TSPAN32: variants seen among roughly 807,000 people sequenced by gnomAD.
TSPAN32 encodes the protein tetraspanin 32.
Under a neutral mutation model 42.7 loss-of-function variants are expected in TSPAN32, and 47 were observed. That is an observed-to-expected ratio of 1.10 (90% confidence interval 0.87 to 1.40). TSPAN32 has a LOEUF of 1.40. Ranked by LOEUF, TSPAN32 falls within the 40% of genes most tolerant of loss-of-function variation. The pLI, the probability that TSPAN32 is intolerant of heterozygous loss-of-function variation, is 0.00. For synonymous variants in TSPAN32, 175 were observed against 175.9 expected (o/e 0.99, Z 0.04); for missense variants, 469 against 424.1 (o/e 1.11, Z -0.93).
At chr11:2,314,684 A>G in intron 6 of TSPAN32, 113 bp downstream of exon 6, 1 of 786,430 alleles carries the variant, frequency 1.3e-6, no homozygotes, top group Non-Finnish European at 2.1e-6. Context: ...GCCTCCCCAG[A>G]CCCTTGGGAA....
chr11:2,303,983 A>G, intron 2 of TSPAN32, 124 bp from the exon 3 acceptor site: 2 of 704,048 alleles, frequency 2.8e-6, no homozygotes, highest in African/African-American at 1.8e-5. Context: ...AGACAGGCCC[A>G]TTCAGAGCCC....
Position 2,313,586 on chromosome 11 carries a change from G to A in TSPAN32, c.355-68G>A, listed in dbSNP as rs953569368. 2.2e-5 allele frequency: 29 copies of A among 1,302,468 alleles called. No homozygotes were observed. The highest frequency in any genetic ancestry group is 2.1e-4 in the African/African-American group (14 of 67,938). The allele number at this position is 1,302,468 out of a possible 1,614,324, so 80.7% of individuals were successfully genotyped here. The stretch of plus-strand genomic sequence containing the variant: ...AGGGCCCACTAGCGTTTGGGATGTC[G>A]TGGGGAGGGGGCTGTGTCCCCGGAT... On this transcript the variant is annotated intron_variant, in intron 4 of 9. Coordinates refer to ENST00000182290, the MANE Select transcript of TSPAN32 (RefSeq NM_139022.3). This position sits in a 1 kb window ranked among gnomAD's most constrained non-coding sequence, Gnocchi z 9.1.
chr11:2,303,925 G>A (rs1847916192), intron 2 of TSPAN32, among the ~76,000 whole-genome samples, 182 bp from the exon 3 acceptor site: 1 of 152,130 alleles, frequency 6.6e-6, no homozygotes, highest in African/African-American at 2.4e-5. Context: ...CCCCCAGGCT[G>A]AACGAGTCCC....
chr11:2,316,604 T>C lies in TSPAN32; in HGVS notation c.656T>C (p.Leu219Pro). 1 of 1,559,924 alleles carries C rather than the reference T, an allele frequency of 6.4e-7. No homozygotes were observed. The highest frequency in any genetic ancestry group is 8.7e-7 in the Non-Finnish European group (1 of 1,150,762). The change falls in exon 8 of 10, where the codon CTG (leucine) becomes CCG (proline). Residue 219 changes from leucine (L) to proline (P), a missense_variant. Transcript: ENST00000182290. Reference protein sequence around the residue: ...TVSALLFSSFLWFAIRCGCSL... With the variant: ...TVSALLFSSFPWFAIRCGCSL... ...TCCGCCTTGCTCTTCAGCTCCTTCC[T>C]GTGGTTTGCCATCCGCTGTGGCTGC...
intron 2 of TSPAN32, 138 bp from the exon 3 acceptor site, chr11:2,303,969 G>A (rs1009017152): frequency 3.2e-6 from 2 of 631,936 alleles, no homozygotes; most frequent in African/African-American, 1.9e-5. Flanking sequence ...GCCGTCTGAT[G>A]GAGAGACAGG....
Position 2,304,129 on chromosome 11 carries a change from G to A in TSPAN32, c.204G>A (p.Leu68=), listed in dbSNP as rs765534620. The stretch of plus-strand genomic sequence containing the variant: ...CAGCCTTCTCTGCGGGGTTGAGCCT[G>A]GTGGGCCTCCTGACTCTGGGAGCCG... ...HQWAFSAGLS[L]VGLLTLGAVL... is the part of the protein sequence containing the mutation. Residue 68 remains leucine (L), a synonymous_variant, in exon 3 of 10, where the codon CTG becomes CTA. Coordinates refer to ENST00000182290, the MANE Select transcript of TSPAN32 (RefSeq NM_139022.3). This position sits in a 1 kb window ranked among gnomAD's most constrained non-coding sequence, Gnocchi z 4.8. 6.3e-7 allele frequency: 1 copy of A among 1,586,174 alleles called. No homozygotes were observed. The highest frequency in any genetic ancestry group is 1.8e-5 in the Admixed American group (1 of 55,600).
chr11:2,309,660 GC>G, intron 4 of TSPAN32: 1 of 279,768 alleles, frequency 3.6e-6, no homozygotes, highest in South Asian at 3.3e-5. Flanking sequence ...GTGCCTGGTT[GC>G]CCAGGGCCCT....
At chr11:2,314,837 G>A (rs1848684517) in intron 6 of TSPAN32, 1 of 508,762 alleles carries the variant, frequency 2.0e-6, no homozygotes, top group African/African-American at 1.9e-5. Flanking sequence ...GGCCCCATGC[G>A]CCATTCACTC....
rs1564964718 is a variant in TSPAN32, at chr11:2,313,738, GCGGC to G, written c.441_444del (p.Ala148SerfsTer43). On this transcript the variant is annotated frameshift_variant, in exon 5 of 10. Coordinates refer to ENST00000182290, the MANE Select transcript of TSPAN32 (RefSeq NM_139022.3). LOFTEE classifies it high-confidence loss of function. The surrounding 1 kb of genome is among the most constrained non-coding windows in gnomAD (Gnocchi z 9.1). ...GTCCCACGTCCGGCGGCAGGAGCTG[GCGGC>G]CATCCAGGACGTGGTGAGCGTGGGG... is the stretch of plus-strand genomic sequence containing the variant. 3.7e-6 allele frequency: 6 copies of G among 1,601,872 alleles called. No homozygotes were observed. Among genetic ancestry groups the G allele is most frequent in the Non-Finnish European group, 4.3e-6 (5 of 1,176,184 alleles).
At chr11:2,307,731 G>A (rs938422261) in intron 3 of TSPAN32, among the ~76,000 whole-genome samples, 11 of 152,114 alleles carry the variant, frequency 7.2e-5, no homozygotes, top group Non-Finnish European at 1.6e-4. Flanking sequence ...GGGCGGGTGC[G>A]CAGACGTTTC....
chr11:2,316,760 C>T (rs1372051289), intron 8 of TSPAN32, 93 bp downstream of exon 8: 8 of 1,345,498 alleles, frequency 5.9e-6, no homozygotes, highest in African/African-American at 2.9e-5. Flanking sequence ...GAGGGAGCCC[C>T]GGGACCAAGC....
In TSPAN32 at chr11:2,316,528, C is replaced by T. The variant is rs2234309; in HGVS notation, c.628-48C>T. ...AGTCCTGATGCTTCCTGGGGAGGGG[C>T]GCCCGCACCCTGGGGCAGTGGGGCA... is the stretch of plus-strand genomic sequence containing the variant. On this transcript the variant is annotated intron_variant, in intron 7 of 9. Coordinates refer to ENST00000182290, the MANE Select transcript of TSPAN32 (RefSeq NM_139022.3). The T allele has an allele frequency of 2.9e-3, 4,678 of 1,608,978 alleles. 122 individuals carry two copies. In the African/African-American group the frequency reaches 0.055, roughly 19 times the overall value.
At position 2,304,722 on chromosome 11, in the gene TSPAN32, C is replaced by T. The variant is rs1215604928; in HGVS notation, c.279+518C>T. On this transcript the variant is annotated intron_variant, in intron 3 of 9. Transcript: ENST00000182290. The surrounding 1 kb of genome is among the most constrained non-coding windows in gnomAD (Gnocchi z 4.8). Reference sequence around the variant, plus strand: ...CCAGCTGCCGGAGGTGTCTCCCCAGCCCCGAGGTCCCATAGGCCCCTCCAC... The same window carrying T: ...CCAGCTGCCGGAGGTGTCTCCCCAGTCCCGAGGTCCCATAGGCCCCTCCAC... Among the ~76,000 whole-genome samples the T allele has an allele frequency of 6.6e-6, 1 of 151,714 alleles. No individual in the cohort carries two copies. Among genetic ancestry groups the T allele is most frequent in the Non-Finnish European group, 1.5e-5 (1 of 67,916 alleles).
At position 2,317,327 on chromosome 11, in the gene TSPAN32, A is replaced by T; in HGVS notation, c.720-17A>T. On this transcript the variant is annotated splice_polypyrimidine_tract_variant and intron_variant, in intron 8 of 9. Coordinates refer to ENST00000182290, the MANE Select transcript of TSPAN32 (RefSeq NM_139022.3). This position sits in a 1 kb window ranked among gnomAD's most constrained non-coding sequence, Gnocchi z 6.2. ...TAGAACATTCCACCACAGCCCCATG[A>T]TCCCCTTGCTCCTCAGAGCATGTGG... 6.4e-7 allele frequency: 1 copy of T among 1,574,750 alleles called. No homozygotes were observed. The highest frequency in any genetic ancestry group is 8.6e-7 in the Non-Finnish European group (1 of 1,159,394).
At chr11:2,315,216 T>A in intron 6 of TSPAN32, 1 of 1,175,526 alleles carries the variant, frequency 8.5e-7, no homozygotes, top group Non-Finnish European at 1.1e-6. Flanking sequence ...TCCCCTACTG[T>A]CCTGGAAACA....
chr11:2,308,130 T>G (rs1410097197), intron 3 of TSPAN32, among the ~76,000 whole-genome samples: 1 of 152,194 alleles, frequency 6.6e-6, no homozygotes, highest in African/African-American at 2.4e-5. Flanking sequence ...GGGTGCAGTG[T>G]TGCCATCAAC....
At chr11:2,314,835 G>C in intron 6 of TSPAN32, 1 of 513,116 alleles carries the variant, frequency 1.9e-6, no homozygotes, top group Non-Finnish European at 3.5e-6. Context: ...CAGGCCCCAT[G>C]CGCCATTCAC....
intron 4 of TSPAN32, chr11:2,309,261 G>A (rs1848319904): frequency 2.2e-6 from 1 of 447,448 alleles, no homozygotes; most frequent in Admixed American, 2.4e-5. Context: ...TACCAGTGGG[G>A]AAGGGACCTG....
At chr11:2,309,309 T>A in intron 4 of TSPAN32, 1 of 464,102 alleles carries the variant, frequency 2.2e-6, no homozygotes, top group South Asian at 1.6e-5. Flanking sequence ...CTCCACCCCC[T>A]CCACGGAACA....
Sources: gnomAD v4.1 joint callset for allele counts (sites outside exome capture counted in the v4.1 genomes callset) on GRCh38, gnomAD v4.1.1 for gene constraint, Gnocchi (gnomAD v3.1) non-coding constraint, MANE v1.5 for transcripts, NCBI Gene and HGNC (gene_info 2026-07-23, HGNC 2026-07-21) for gene names.